GRM8: variants seen among roughly 807,000 people sequenced by gnomAD.
GRM8 encodes the protein glutamate metabotropic receptor 8, also known as metabotropic glutamate receptor 8.
A neutral mutation model predicts 87.2 loss-of-function variants in GRM8; 47 were observed. The ratio of observed to expected loss-of-function variants is 0.54; its 90% confidence interval spans 0.43 to 0.69. The LOEUF (loss-of-function observed/expected upper bound fraction) is 0.69, where lower values mean the gene tolerates loss of function less well. Among genes scored for constraint, GRM8 ranks in the 30% least tolerant of loss-of-function variants. The pLI, the probability that GRM8 is intolerant of heterozygous loss-of-function variation, is 0.00. For synonymous variants in GRM8, 396 were observed against 404.5 expected (o/e 0.98, Z 0.25); for missense variants, 1,019 against 1,139.2 (o/e 0.89, Z 1.52).
At chr7:127,140,153 A>G (rs548822065) in intron 2 of GRM8, among the ~76,000 whole-genome samples, 2 of 152,266 alleles carry the variant, frequency 1.3e-5, no homozygotes, top group East Asian at 3.9e-4. Flanking sequence ...TGGAGTGGTA[A>G]TCTTAATCTA....
At chr7:126,612,751 A>T (rs2151110212) in intron 7 of GRM8, among the ~76,000 whole-genome samples, 1 of 152,356 alleles carries the variant, frequency 6.6e-6, no homozygotes, top group South Asian at 2.1e-4. Flanking sequence ...GTACTGAGCA[A>T]GTAATCAATA....
intron 3 of GRM8, among the ~76,000 whole-genome samples, chr7:126,921,923 GA>G (rs1804571893): frequency 6.6e-6 from 1 of 152,194 alleles, no homozygotes; most frequent in Non-Finnish European, 1.5e-5. Flanking sequence ...AAGGAAAGGG[GA>G]TTTCTCAAAG....
At chr7:126,930,130 T>C (rs1563326890) in intron 3 of GRM8, among the ~76,000 whole-genome samples, 2 of 152,136 alleles carry the variant, frequency 1.3e-5, no homozygotes, top group Non-Finnish European at 2.9e-5. Flanking sequence ...CTGAGCTATA[T>C]TAGATAGGAA....
chr7:126,832,608 T>C (rs1018030033), intron 6 of GRM8, among the ~76,000 whole-genome samples: 2 of 152,224 alleles, frequency 1.3e-5, no homozygotes, highest in African/African-American at 4.8e-5. Flanking sequence ...AACATAGTCA[T>C]AGTACTAAGA....
chr7:126,811,683 C>A (rs1370932713), intron 6 of GRM8, among the ~76,000 whole-genome samples: 1 of 151,842 alleles, frequency 6.6e-6, no homozygotes, highest in Non-Finnish European at 1.5e-5. Flanking sequence ...TTGGTGTATA[C>A]AAAGTTTACT....
chr7:127,191,996 T>C (rs1297864947), intron 2 of GRM8, among the ~76,000 whole-genome samples: 1 of 152,202 alleles, frequency 6.6e-6, no homozygotes, highest in Non-Finnish European at 1.5e-5. Context: ...TGGTTTTGCA[T>C]GTATGTTTCA....
intron 2 of GRM8, among the ~76,000 whole-genome samples, chr7:127,113,629 C>T (rs1246712494): frequency 6.6e-6 from 1 of 152,102 alleles, no homozygotes; most frequent in Non-Finnish European, 1.5e-5. Flanking sequence ...CAGCTTGAAG[C>T]CACATTCTTC....
intron 7 of GRM8, among the ~76,000 whole-genome samples, chr7:126,739,199 T>G (rs1469488536): frequency 6.6e-6 from 1 of 152,026 alleles, no homozygotes; most frequent in East Asian, 1.9e-4. Flanking sequence ...TCCAATTCTT[T>G]CACAAGGCAT....
chr7:127,049,672 G>A (rs1374826156), intron 3 of GRM8, among the ~76,000 whole-genome samples: 1 of 152,140 alleles, frequency 6.6e-6, no homozygotes, highest in Non-Finnish European at 1.5e-5. Flanking sequence ...TATTAGGAGA[G>A]CCATGAGAAG....
intron 3 of GRM8, among the ~76,000 whole-genome samples, chr7:126,954,674 A>G (rs1467750283): frequency 6.6e-6 from 1 of 152,170 alleles, no homozygotes; most frequent in Non-Finnish European, 1.5e-5. Flanking sequence ...ACATGTCCTC[A>G]TCTGTCAACT....
intron 3 of GRM8, among the ~76,000 whole-genome samples, chr7:126,930,250 T>G (rs1805619608): frequency 1.3e-5 from 2 of 152,228 alleles, no homozygotes; most frequent in Admixed American, 1.3e-4. Flanking sequence ...AACTTCTCTG[T>G]GCCTGTTTTC....
intron 3 of GRM8, among the ~76,000 whole-genome samples, chr7:127,010,628 AC>A (rs1017367444): frequency 6.6e-6 from 1 of 152,120 alleles, no homozygotes; most frequent in Non-Finnish European, 1.5e-5. Flanking sequence ...GACCATTAAA[AC>A]CTTTACCCAA....
intron 3 of GRM8, among the ~76,000 whole-genome samples, chr7:126,988,193 C>T (rs1168244280): frequency 2.0e-5 from 3 of 152,234 alleles, no homozygotes; most frequent in Non-Finnish European, 2.9e-5. Flanking sequence ...AAACAATTGC[C>T]AGCTAGCACA....
rs17863252 is a variant in GRM8, at chr7:127,242,192, C to T, written c.510+503G>A. 2.3e-3 allele frequency among the ~76,000 whole-genome samples: 355 copies of T among 151,724 alleles called. 1 individual carries two copies. Among genetic ancestry groups the T allele is most frequent in the Admixed American group, 4.1e-3 (63 of 15,258 alleles). Reference sequence around the variant, plus strand: ...AAGCCTGACAATTTTATGACCATCTCATCTCCCAGAGTGTCACTCCCATCT... The same window carrying T: ...AAGCCTGACAATTTTATGACCATCTTATCTCCCAGAGTGTCACTCCCATCT... On this transcript the variant is annotated intron_variant, in intron 2 of 10. Coordinates refer to ENST00000339582, the MANE Select transcript of GRM8 (RefSeq NM_000845.3).
chr7:126,617,507 G>C (rs1166495612), intron 7 of GRM8, among the ~76,000 whole-genome samples: 1 of 152,178 alleles, frequency 6.6e-6, no homozygotes, highest in Non-Finnish European at 1.5e-5. Flanking sequence ...ATGCAACATA[G>C]TGTTGGAAGT....
At chr7:127,247,657 T>C (rs920015865) in intron 1 of GRM8, among the ~76,000 whole-genome samples, 14 of 152,196 alleles carry the variant, frequency 9.2e-5, no homozygotes, top group East Asian at 3.9e-4. Context: ...CGGATCTTTG[T>C]CTGACAGTCA....
chr7:126,933,279 T>G (rs894044586), intron 3 of GRM8, among the ~76,000 whole-genome samples: 2 of 152,208 alleles, frequency 1.3e-5, no homozygotes, highest in African/African-American at 4.8e-5. Context: ...GAGGGCTCCT[T>G]TAGGTTGTAC....
At chr7:126,554,358 C>G (rs1382059100) in intron 8 of GRM8, among the ~76,000 whole-genome samples, 1 of 151,736 alleles carries the variant, frequency 6.6e-6, no homozygotes, top group South Asian at 2.1e-4. Flanking sequence ...GGTGGGCAGA[C>G]AGCTTGAGCT....
rs1360197011 is a variant in GRM8 at position 127,022,190 on chromosome 7, C to A, written c.727+84306G>T. 2.0e-5 allele frequency among the ~76,000 whole-genome samples: 3 copies of A among 149,236 alleles called. No homozygotes were observed. In the East Asian group the frequency reaches 5.9e-4, roughly 29 times the overall value. On this transcript the variant is annotated intron_variant, in intron 3 of 10. Transcript: ENST00000339582. ...TGTTTCTTTTTTTTTTTTTCCAATA[C>A]AAATTTTATTATGGCAGCACAGGTC... is the stretch of plus-strand genomic sequence containing the variant.
Sources: gnomAD v4.1 joint callset for allele counts (sites outside exome capture counted in the v4.1 genomes callset) on GRCh38, gnomAD v4.1.1 for gene constraint, MANE v1.5 for transcripts, NCBI Gene and HGNC (gene_info 2026-07-23, HGNC 2026-07-21) for gene names.